PAPPA: variants seen among roughly 807,000 people sequenced by gnomAD.
PAPPA encodes the protein pappalysin 1, also known as pappalysin-1.
In PAPPA, 60 loss-of-function variants were observed where a neutral mutation model predicts 164.0. The observed-to-expected ratio is 0.37, with a 90% CI of 0.30 to 0.45. The LOEUF is 0.45. Among genes scored for constraint, PAPPA ranks in the 20% least tolerant of loss-of-function variants. The pLI, the probability that PAPPA is intolerant of heterozygous loss-of-function variation, is 1.00. For synonymous variants in PAPPA, 875 were observed against 814.1 expected, an observed-to-expected ratio of 1.07 and a Z score of -1.27; for missense variants, 1,782 against 2,087.3, an observed-to-expected ratio of 0.85 and a Z score of 2.85.
At chr9:116,179,109 A>G (rs187133848) in intron 1 of PAPPA, among the ~76,000 whole-genome samples, 1 of 152,344 alleles carries the variant, frequency 6.6e-6, no homozygotes, top group East Asian at 1.9e-4. Flanking sequence ...CTCTCTCAGA[A>G]GACATCTGTG....
At chr9:116,201,917 C>A (rs777194074) in intron 2 of PAPPA, among the ~76,000 whole-genome samples, 9 of 152,206 alleles carry the variant, frequency 5.9e-5, no homozygotes, top group African/African-American at 1.2e-4. Context: ...TTGAGGGCAT[C>A]TACGCATGGC....
intron 17 of PAPPA, among the ~76,000 whole-genome samples, chr9:116,361,302 C>T (rs1846423598): frequency 6.6e-6 from 1 of 152,074 alleles, no homozygotes; most frequent in South Asian, 2.1e-4. Flanking sequence ...GAATATATAG[C>T]TTGTTCTTAG....
intron 13 of PAPPA, among the ~76,000 whole-genome samples, chr9:116,335,381 C>T (rs572039390): frequency 6.6e-6 from 1 of 152,176 alleles, no homozygotes; most frequent in East Asian, 1.9e-4. Context: ...CTTCAGTGTC[C>T]TCATCTGAAC....
chr9:116,193,944 T>C (rs1223783253), intron 2 of PAPPA, among the ~76,000 whole-genome samples: 1 of 152,164 alleles, frequency 6.6e-6, no homozygotes, highest in Non-Finnish European at 1.5e-5. Context: ...AGGGATGCAA[T>C]AGGCTTTTAG....
chr9:116,371,022 TGA>T (rs1846566036), intron 19 of PAPPA, among the ~76,000 whole-genome samples: 1 of 152,160 alleles, frequency 6.6e-6, no homozygotes, highest in African/African-American at 2.4e-5. Context: ...AGTTGTGAAG[TGA>T]GAGCTAGGCT....
chr9:116,332,706 C>T (rs139574735), intron 12 of PAPPA: 7 of 418,152 alleles, frequency 1.7e-5, no homozygotes, highest in East Asian at 1.5e-4. Flanking sequence ...CTTCTGCCAG[C>T]CACCTTTAAC....
At chr9:116,253,269 C>T (rs1454750700) in intron 7 of PAPPA, among the ~76,000 whole-genome samples, 1 of 152,186 alleles carries the variant, frequency 6.6e-6, no homozygotes, top group African/African-American at 2.4e-5. Flanking sequence ...CAATCACACT[C>T]TACTTGGTTT....
intron 6 of PAPPA, among the ~76,000 whole-genome samples, chr9:116,228,256 C>T (rs1188543294): frequency 2.0e-5 from 3 of 152,190 alleles, no homozygotes; most frequent in Admixed American, 2.0e-4. Flanking sequence ...CAGAACCAGG[C>T]TGGCAGAGGC....
chr9:116,308,662 T>C (rs192587012), intron 10 of PAPPA, among the ~76,000 whole-genome samples: 185 of 152,324 alleles, frequency 1.2e-3, no homozygotes, highest in Non-Finnish European at 1.6e-3. Flanking sequence ...CTAGTGTCTT[T>C]TGCATCTTTT....
intron 5 of PAPPA, among the ~76,000 whole-genome samples, chr9:116,222,037 T>C (rs1009272355): frequency 3.3e-5 from 5 of 152,212 alleles, no homozygotes; most frequent in Non-Finnish European, 7.3e-5. Flanking sequence ...TAGGTTAATA[T>C]AGCCATCATG....
intron 7 of PAPPA, among the ~76,000 whole-genome samples, chr9:116,236,076 A>C (rs1256466854): frequency 2.6e-5 from 4 of 152,148 alleles, no homozygotes; most frequent in Admixed American, 6.5e-5. Flanking sequence ...GTGAAGTTAT[A>C]GTAGATTGGG....
At chr9:116,203,293 T>C (rs1844192705) in intron 2 of PAPPA, among the ~76,000 whole-genome samples, 1 of 152,230 alleles carries the variant, frequency 6.6e-6, no homozygotes, top group Non-Finnish European at 1.5e-5. Flanking sequence ...AGTAATTCCC[T>C]TTCCTTGAGC....
chr9:116,376,762 C>CAA (rs1383174206), intron 19 of PAPPA, among the ~76,000 whole-genome samples: 1 of 152,136 alleles, frequency 6.6e-6, no homozygotes, highest in East Asian at 1.9e-4. Flanking sequence ...AAAAGATTCT[C>CAA]AAAGTGACAA....
chr9:116,312,288 C>CTTTT (rs5900201), intron 10 of PAPPA, among the ~76,000 whole-genome samples: 130 of 129,542 alleles, frequency 1.0e-3, no homozygotes, highest in Middle Eastern at 4.4e-3. Context: ...TTCTTTCTTT[C>CTTTT]TTTTTTTTTT....
intron 2 of PAPPA, among the ~76,000 whole-genome samples, chr9:116,203,686 C>G (rs906441112): frequency 6.6e-6 from 1 of 152,168 alleles, no homozygotes; most frequent in Non-Finnish European, 1.5e-5. Flanking sequence ...GCACTTAACC[C>G]GTGTTGCCTC....
chr9:116,188,288 A>G (rs1844002780), intron 2 of PAPPA, 72 bp downstream of exon 2: 1 of 1,126,900 alleles, frequency 8.9e-7, no homozygotes, highest in African/African-American at 1.5e-5. Flanking sequence ...TAGATAAGGC[A>G]CCTGAGGCCA....
chr9:116,231,817 A>G (rs1194063223), intron 6 of PAPPA, among the ~76,000 whole-genome samples: 1 of 127,542 alleles, frequency 7.8e-6, no homozygotes, highest in Non-Finnish European at 1.6e-5. Flanking sequence ...GCTGGAGTGC[A>G]GTGGCGTAAT....
At chr9:116,250,352 C>T (rs556748156) in intron 7 of PAPPA, among the ~76,000 whole-genome samples, 13 of 152,206 alleles carry the variant, frequency 8.5e-5, no homozygotes, top group Admixed American at 2.6e-4. Flanking sequence ...GTTTTTGCCC[C>T]AGTTTCAGAA....
intron 13 of PAPPA, 32 bp from the exon 14 acceptor site, chr9:116,344,511 C>T: frequency 1.3e-6 from 2 of 1,596,940 alleles, no homozygotes; most frequent in Non-Finnish European, 1.7e-6. Flanking sequence ...TGTGAGGAGA[C>T]TCCTTCTTCC....
Sources: allele counts gnomAD v4.1 joint callset (sites outside exome capture counted in the v4.1 genomes callset), GRCh38; gene constraint gnomAD v4.1.1; transcripts MANE v1.5; gene names NCBI Gene and HGNC (gene_info 2026-07-23, HGNC 2026-07-21).